PPP1R13B: variants seen among roughly 807,000 people sequenced by gnomAD.
PPP1R13B encodes apoptosis-stimulating of p53 protein 1.
In PPP1R13B, 44 loss-of-function variants were observed where a neutral mutation model predicts 119.8. That is an observed-to-expected ratio of 0.37 (90% CI 0.29 to 0.47). The LOEUF (loss-of-function observed/expected upper bound fraction) is 0.47, where lower values mean the gene tolerates loss of function less well. Among genes scored for constraint, PPP1R13B ranks in the 20% least tolerant of loss-of-function variants. The probability of loss-of-function intolerance (pLI) is 0.99; values close to 1 mark genes in which losing one functional copy is unlikely to be tolerated. For missense variants in PPP1R13B, 1,227 were observed against 1,413.5 expected (o/e 0.87, Z 2.12); for synonymous variants, 542 against 561.5 (o/e 0.97, Z 0.49).
At chr14:103,823,154 C>T (rs1018270955) in intron 1 of PPP1R13B, among the ~76,000 whole-genome samples, 2 of 151,854 alleles carry the variant, frequency 1.3e-5, no homozygotes, top group Non-Finnish European at 1.5e-5. Context: ...CTGGGTAACA[C>T]GGTGAAACCC....
rs183988552 is a variant in PPP1R13B, at chr14:103,791,215, G to A, written c.157+6156C>T. 3.5e-3 allele frequency among the ~76,000 whole-genome samples: 524 copies of A among 151,666 alleles called. 3 individuals are homozygous for A. The highest frequency in any genetic ancestry group is 0.012 in the African/African-American group (492 of 41,336). ...TAGCTCACTGTAGCCTTGAACTTCC[G>A]GGCTCAAGGGATCCTCCTGCCTCAG... is the stretch of plus-strand genomic sequence containing the variant. On this transcript the variant is annotated intron_variant, in intron 2 of 16. Transcript: ENST00000202556.
At chr14:103,767,206 T>C (rs993253006) in intron 4 of PPP1R13B, among the ~76,000 whole-genome samples, 6 of 152,130 alleles carry the variant, frequency 3.9e-5, no homozygotes, top group African/African-American at 1.4e-4. Flanking sequence ...TACCAGCTAC[T>C]TTGGAGGCTG....
At chr14:103,746,848 A>G (rs1184954536) in intron 8 of PPP1R13B, 6 of 228,546 alleles carry the variant, frequency 2.6e-5, no homozygotes, top group African/African-American at 6.8e-5. Flanking sequence ...CTTACTCAGG[A>G]TACTCTTCCT....
At chr14:103,744,361 A>C (rs2084337301) in intron 9 of PPP1R13B, among the ~76,000 whole-genome samples, 1 of 152,128 alleles carries the variant, frequency 6.6e-6, no homozygotes, top group South Asian at 2.1e-4. Context: ...AACCCTCCAA[A>C]ACAAAACCCG....
In PPP1R13B at chr14:103,842,554, C is replaced by T. The variant is rs529470972; in HGVS notation, c.9+4745G>A. ...CTGACCTCAGGTGATCTGCCCATCTCAGCTTCCCAAAGTGCTGGGATTACA... is the reference window on the plus strand; with the variant it reads ...CTGACCTCAGGTGATCTGCCCATCTTAGCTTCCCAAAGTGCTGGGATTACA... On this transcript the variant is annotated intron_variant, in intron 1 of 16. Coordinates refer to ENST00000202556, the MANE Select transcript of PPP1R13B (RefSeq NM_015316.3). Among the ~76,000 whole-genome samples the T allele has an allele frequency of 4.0e-5, 6 of 151,896 alleles. No individual in the cohort carries two copies. The South Asian group carries it at 1.0e-3, about 26-fold the overall frequency.
chr14:103,768,525 C>T (rs570856340), intron 4 of PPP1R13B, among the ~76,000 whole-genome samples: 1 of 152,114 alleles, frequency 6.6e-6, no homozygotes, highest in African/African-American at 2.4e-5. Flanking sequence ...TCTCAATCTC[C>T]TGACCTTGTG....
intron 4 of PPP1R13B, among the ~76,000 whole-genome samples, chr14:103,767,282 C>T (rs963564353): frequency 6.6e-6 from 1 of 152,050 alleles, no homozygotes; most frequent in Non-Finnish European, 1.5e-5. Flanking sequence ...CCACTGTACT[C>T]CAGCCTAGGC....
chr14:103,831,216 T>C (rs1269361717), intron 1 of PPP1R13B, among the ~76,000 whole-genome samples: 3 of 152,072 alleles, frequency 2.0e-5, no homozygotes, highest in African/African-American at 4.8e-5. Flanking sequence ...ATGCTGGGAT[T>C]ACAGGCATGA....
chr14:103,755,436 G>T (rs2084653915), intron 5 of PPP1R13B, among the ~76,000 whole-genome samples: 1 of 152,198 alleles, frequency 6.6e-6, no homozygotes, highest in African/African-American at 2.4e-5. Context: ...AAACATTTTA[G>T]AGTCAAACAA....
intron 12 of PPP1R13B, 112 bp from the exon 13 acceptor site, chr14:103,739,135 G>A (rs557949962): frequency 2.5e-4 from 364 of 1,438,458 alleles, no homozygotes; most frequent in Non-Finnish European, 3.3e-4. Flanking sequence ...GTGGCTCCGC[G>A]AAGCAGCCCT....
chr14:103,763,935 G>A (rs2084875576), intron 4 of PPP1R13B: 1 of 152,234 alleles, frequency 6.6e-6, no homozygotes, highest in Admixed American at 6.5e-5. Context: ...AGGTTTTTGA[G>A]GTTCATCTGT....
At chr14:103,751,798 A>G (rs11628240) in intron 7 of PPP1R13B, among the ~76,000 whole-genome samples, 67,894 of 152,070 alleles carry the variant, frequency 0.45, 15,669 homozygotes, top group African/African-American at 0.56. Flanking sequence ...CCTCCAGAAC[A>G]GTGGGAAATA....
chr14:103,832,746 G>A (rs1299965062), intron 1 of PPP1R13B, among the ~76,000 whole-genome samples: 1 of 152,144 alleles, frequency 6.6e-6, no homozygotes, highest in African/African-American at 2.4e-5. Flanking sequence ...GGGGGGCGGG[G>A]TGCAGGGGGA....
chr14:103,813,566 T>C (rs1189223901), intron 1 of PPP1R13B, among the ~76,000 whole-genome samples: 1 of 152,212 alleles, frequency 6.6e-6, no homozygotes, highest in East Asian at 1.9e-4. Flanking sequence ...TTCTCTCTCC[T>C]GTCAGCCTGT....
chr14:103,739,730 C>T (rs1567081805), intron 12 of PPP1R13B, 94 bp downstream of exon 12: 1 of 1,399,430 alleles, frequency 7.1e-7, no homozygotes, highest in Non-Finnish European at 9.4e-7. Context: ...GTTCCCACTG[C>T]TCCCAGCACA....
At chr14:103,750,874 G>A (rs1313027351) in intron 7 of PPP1R13B, among the ~76,000 whole-genome samples, 1 of 151,720 alleles carries the variant, frequency 6.6e-6, no homozygotes, top group Non-Finnish European at 1.5e-5. Flanking sequence ...CTGGGTTGCA[G>A]GCTGGGCGCA....
chr14:103,833,167 A>G (rs532797239), intron 1 of PPP1R13B, among the ~76,000 whole-genome samples: 2 of 152,296 alleles, frequency 1.3e-5, no homozygotes, highest in African/African-American at 4.8e-5. Flanking sequence ...ATAATCCTTC[A>G]ATATTTTCAT....
At chr14:103,824,707 A>T (rs2152072171) in intron 1 of PPP1R13B, among the ~76,000 whole-genome samples, 1 of 152,020 alleles carries the variant, frequency 6.6e-6, no homozygotes, top group Admixed American at 6.5e-5. Flanking sequence ...AAAAAAAAAA[A>T]AGGAGACAGC....
intron 3 of PPP1R13B, among the ~76,000 whole-genome samples, chr14:103,783,625 C>T (rs940920393): frequency 5.3e-5 from 8 of 151,674 alleles, no homozygotes; most frequent in African/African-American, 1.9e-4. Context: ...AATCATGGCT[C>T]ACTGCAGCCT....
Sources: allele counts gnomAD v4.1 joint callset (sites outside exome capture counted in the v4.1 genomes callset), GRCh38; gene constraint gnomAD v4.1.1; transcripts MANE v1.5; gene names NCBI Gene and HGNC (gene_info 2026-07-23, HGNC 2026-07-21).